The following NOS1 variants were observed in gnomAD, a reference collection of about 807,000 sequenced individuals.
NOS1 encodes nitric oxide synthase 1.
In NOS1, 51 loss-of-function variants were observed where a neutral mutation model predicts 164.5. The ratio of observed to expected loss-of-function variants is 0.31; its 90% CI spans 0.25 to 0.39. The LOEUF (loss-of-function observed/expected upper bound fraction) is 0.39, where lower values mean the gene tolerates loss of function less well. Among genes scored for constraint, NOS1 ranks in the 10% least tolerant of loss-of-function variants. NOS1 has a pLI of 1.00. For missense variants in NOS1, 1,362 were observed against 1,885.6 expected, an observed-to-expected ratio of 0.72 and a Z score of 5.14; for synonymous variants, 719 against 745.8, an observed-to-expected ratio of 0.96 and a Z score of 0.59.
At chr12:117,276,856 G>A (rs1314000618) in intron 9 of NOS1, among the ~76,000 whole-genome samples, 1 of 152,086 alleles carries the variant, frequency 6.6e-6, no homozygotes, top group Non-Finnish European at 1.5e-5. Context: ...GTGTATCTGT[G>A]CCACATTTTC....
intron 2 of NOS1, among the ~76,000 whole-genome samples, chr12:117,320,250 T>C (rs1024456737): frequency 3.9e-5 from 6 of 152,094 alleles, no homozygotes; most frequent in Non-Finnish European, 5.9e-5. Flanking sequence ...ATGTTAAAGA[T>C]CTTGTGATGA....
rs550240739 is a variant in NOS1, at chr12:117,361,613, A to G, written c.-522T>C. The G allele has an allele frequency of 3.9e-5, 6 of 152,122 alleles. No homozygotes were observed. In the East Asian group the frequency reaches 1.2e-3, roughly 30 times the overall value. The allele number at this position is 152,122 out of a possible 1,614,324, so 9.4% of individuals were successfully genotyped here. On this transcript the variant is annotated 5_prime_UTR_variant, in exon 1 of 29. Transcript: ENST00000317775. ...GGCTGGAAACGCGGCATAAATATGTAGGGACTGAGCCGTGAGCTCAGCGAG... is the reference window on the plus strand; with the variant it reads ...GGCTGGAAACGCGGCATAAATATGTGGGGACTGAGCCGTGAGCTCAGCGAG...
intron 10 of NOS1, among the ~76,000 whole-genome samples, chr12:117,270,015 T>C (rs1290786557): frequency 1.3e-5 from 2 of 152,130 alleles, no homozygotes; most frequent in Non-Finnish European, 2.9e-5. Flanking sequence ...CCCAGGGAGA[T>C]GCCTAACGTC....
intron 1 of NOS1, among the ~76,000 whole-genome samples, chr12:117,336,096 G>C (rs1875805999): frequency 6.6e-6 from 1 of 152,192 alleles, no homozygotes; most frequent in African/African-American, 2.4e-5. Flanking sequence ...CTGGGTCTAA[G>C]TGAGTGGTCA....
At chr12:117,266,979 G>A (rs1872468812) in intron 11 of NOS1, among the ~76,000 whole-genome samples, 1 of 152,036 alleles carries the variant, frequency 6.6e-6, no homozygotes, top group South Asian at 2.1e-4. Context: ...CTTCCCTCTT[G>A]CCCTGTCTCA....
chr12:117,220,135 G>A lies in NOS1; in HGVS notation c.4110C>T (p.Ile1370=). The change falls in exon 27 of 29, where the codon ATC becomes ATT. Residue 1370 remains isoleucine (I), a synonymous_variant. Transcript: ENST00000317775. ...AADVLKAIQR[I]MTQQGKLSAE... ...CCGAGAGCTTCCCCTGCTGGGTCAT[G>A]ATGCGCTGGATGGCTTTGAGGACAT... The A allele has an allele frequency of 1.2e-6, 2 of 1,613,976 alleles. No homozygotes were observed. The highest frequency in any genetic ancestry group is 1.7e-6 in the Non-Finnish European group (2 of 1,179,982).
At chr12:117,240,022 G>A (rs1291986250) in intron 20 of NOS1, among the ~76,000 whole-genome samples, 2 of 152,098 alleles carry the variant, frequency 1.3e-5, no homozygotes, top group East Asian at 3.9e-4. Flanking sequence ...CAAAACATTT[G>A]CAAGTTTCCT....
intron 3 of NOS1, chr12:117,309,487 C>G: frequency 1.6e-6 from 1 of 626,472 alleles, no homozygotes; most frequent in Non-Finnish European, 2.0e-6. Context: ...GGCCAAGCAT[C>G]AGGAAAATGA....
At position 117,218,181 on chromosome 12, in the gene NOS1, G is replaced by A; in HGVS notation, c.4171-17C>T. The A allele has an allele frequency of 2.5e-6, 4 of 1,580,798 alleles. No individual in the cohort carries two copies. The highest frequency in any genetic ancestry group is 1.1e-5 in the South Asian group (1 of 90,370). On this transcript the variant is annotated splice_polypyrimidine_tract_variant and intron_variant, in intron 27 of 28. Transcript: ENST00000317775. ...GTTGTCATCCTAGAAGACAGAAACA[G>A]CCAGAAAACAGCTCTCAAATGCCAG...
Position 117,210,022 on chromosome 12 carries a change from G to T in NOS1, c.*5287C>A. ...GGGTCTTGCTCTGTCACTCAGGCTG[G>T]AGTGCAGTGGTGCGATCCTAGCTCA... On this transcript the variant is annotated 3_prime_UTR_variant, in exon 29 of 29. Transcript: ENST00000317775. 1 of 967,090 alleles carries T rather than the reference G, an allele frequency of 1.0e-6. No individual in the cohort carries two copies. The highest frequency in any genetic ancestry group is 1.2e-6 in the Non-Finnish European group (1 of 813,248). The allele number at this position is 967,090 out of a possible 1,614,324, so 59.9% of individuals were successfully genotyped here.
intron 17 of NOS1, among the ~76,000 whole-genome samples, chr12:117,252,117 G>A (rs1322143693): frequency 1.3e-5 from 2 of 152,084 alleles, no homozygotes. Flanking sequence ...CTATTACGTA[G>A]GTACTTACAA....
At chr12:117,349,394 C>T (rs1421467987) in intron 1 of NOS1, among the ~76,000 whole-genome samples, 2 of 152,174 alleles carry the variant, frequency 1.3e-5, no homozygotes, top group Non-Finnish European at 2.9e-5. Flanking sequence ...GGGTTGTTTC[C>T]ACCCTTTGGC....
chr12:117,344,977 G>T (rs897872847), intron 1 of NOS1, among the ~76,000 whole-genome samples: 1 of 151,720 alleles, frequency 6.6e-6, no homozygotes, highest in East Asian at 1.9e-4. Context: ...GATCAAACGC[G>T]GGCTATTATG....
intron 2 of NOS1, among the ~76,000 whole-genome samples, chr12:117,329,215 AT>A (rs1457511469): frequency 6.6e-6 from 1 of 152,112 alleles, no homozygotes; most frequent in African/African-American, 2.4e-5. Flanking sequence ...GGATTTGTTG[AT>A]TTCATTCATT....
chr12:117,250,738 T>G (rs978137950), intron 17 of NOS1, among the ~76,000 whole-genome samples: 12 of 152,110 alleles, frequency 7.9e-5, no homozygotes, highest in African/African-American at 2.7e-4. Context: ...GTGGACTGAC[T>G]GGAGGGGTGA....
chr12:117,275,230 G>A (rs990144274), intron 9 of NOS1, among the ~76,000 whole-genome samples: 1 of 150,808 alleles, frequency 6.6e-6, no homozygotes, highest in Non-Finnish European at 1.5e-5. Context: ...GGTCTGGTGT[G>A]GATCAAGTTC....
intron 3 of NOS1, among the ~76,000 whole-genome samples, chr12:117,299,250 C>T (rs556225640): frequency 6.6e-6 from 1 of 152,360 alleles, no homozygotes; most frequent in South Asian, 2.1e-4. Flanking sequence ...TAGAACTTAA[C>T]CAAGTGTATT....
chr12:117,208,266 A>G lies in NOS1; in HGVS notation c.*7043T>C. ...AGCATGCGACAAACACAGCCTGGAC[A>G]ACCTCGCAAAGAGCGTGGGGTGGGC... On this transcript the variant is annotated 3_prime_UTR_variant, in exon 29 of 29. Transcript: ENST00000317775. 7.8e-7 allele frequency: 1 copy of G among 1,285,888 alleles called. No homozygotes were observed. Among genetic ancestry groups the G allele is most frequent in the South Asian group, 1.2e-5 (1 of 80,618 alleles). The allele number at this position is 1,285,888 out of a possible 1,614,324, so 79.7% of individuals were successfully genotyped here.
intron 1 of NOS1, among the ~76,000 whole-genome samples, chr12:117,338,039 AC>A: frequency 6.6e-6 from 1 of 152,010 alleles, no homozygotes; most frequent in Non-Finnish European, 1.5e-5. Context: ...ACATGGTGAA[AC>A]CCCATATCTA....
Sources: gnomAD v4.1 joint callset for allele counts (sites outside exome capture counted in the v4.1 genomes callset) on GRCh38, gnomAD v4.1.1 for gene constraint, MANE v1.5 for transcripts, NCBI Gene and HGNC (gene_info 2026-07-23, HGNC 2026-07-21) for gene names.